The following CDH19 variants were observed in gnomAD, a reference collection of about 807,000 sequenced individuals.
CDH19 encodes the protein cadherin-19.
CDH19 carries 67 observed loss-of-function variants against 64.2 expected under a neutral mutation model. That is an observed-to-expected ratio of 1.04 (90% CI 0.86 to 1.28). The LOEUF (loss-of-function observed/expected upper bound fraction) is 1.28, where lower values mean the gene tolerates loss of function less well. Among genes scored for constraint, CDH19 ranks in the 50% most tolerant of loss-of-function variants. The pLI, the probability that CDH19 is intolerant of heterozygous loss-of-function variation, is 0.00. For missense variants in CDH19, 1,030 were observed against 929.0 expected (o/e 1.11, Z -1.41); for synonymous variants, 346 against 319.3 (o/e 1.08, Z -0.89).
At chr18:66,546,581 G>A (rs915428182) in intron 5 of CDH19, among the ~76,000 whole-genome samples, 3 of 152,000 alleles carry the variant, frequency 2.0e-5, no homozygotes, top group African/African-American at 7.2e-5. Flanking sequence ...TGTCCTAGAG[G>A]CTGGAGATAG....
At chr18:66,536,928 G>A (rs779035039) in intron 7 of CDH19, among the ~76,000 whole-genome samples, 4 of 151,638 alleles carry the variant, frequency 2.6e-5, no homozygotes, top group Non-Finnish European at 4.4e-5. Context: ...ATTTAGATAT[G>A]TACCATCATG....
intron 1 of CDH19, among the ~76,000 whole-genome samples, chr18:66,587,180 C>T (rs1988602257): frequency 6.6e-6 from 1 of 152,086 alleles, no homozygotes; most frequent in African/African-American, 2.4e-5. Context: ...TCAATAATAA[C>T]ATGGAGGCAG....
chr18:66,527,366 T>C (rs2144405886), intron 9 of CDH19, among the ~76,000 whole-genome samples: 1 of 152,206 alleles, frequency 6.6e-6, no homozygotes, highest in Non-Finnish European at 1.5e-5. Flanking sequence ...TTATAATCAC[T>C]ATATGTGCAT....
chr18:66,544,994 T>G (rs1158967691), intron 5 of CDH19, 91 bp from the exon 6 acceptor site: 1 of 1,008,110 alleles, frequency 9.9e-7, no homozygotes, highest in Non-Finnish European at 1.4e-6. Flanking sequence ...TGTTTGTTTT[T>G]TCGAGACGGA....
intron 8 of CDH19, chr18:66,532,651 A>T (rs1986500283): frequency 2.3e-6 from 1 of 438,192 alleles, no homozygotes. Context: ...GATTGTATTT[A>T]TCAAGTAATG....
rs549847284 is a variant in CDH19, at chr18:66,557,792, T to A, written c.491-3268A>T. On this transcript the variant is annotated intron_variant, in intron 3 of 11. Coordinates refer to ENST00000262150, the MANE Select transcript of CDH19 (RefSeq NM_021153.4). ...ACAGGTAGATCTAAGTATGGTGTAT[T>A]TACATATGTGTATATATACATGTAT... is the stretch of plus-strand genomic sequence containing the variant. Among the ~76,000 whole-genome samples the A allele has an allele frequency of 1.5e-4, 23 of 151,874 alleles. No homozygotes were observed. In the East Asian group the frequency reaches 4.5e-3, roughly 30 times the overall value.
intron 1 of CDH19, among the ~76,000 whole-genome samples, chr18:66,575,240 G>A (rs1195291304): frequency 6.6e-6 from 1 of 151,686 alleles, no homozygotes; most frequent in Non-Finnish European, 1.5e-5. Flanking sequence ...GAGTGCAAGG[G>A]GAGTGTTAAG....
intron 1 of CDH19, among the ~76,000 whole-genome samples, chr18:66,573,272 C>A (rs1043763422): frequency 6.6e-6 from 1 of 151,598 alleles, no homozygotes; most frequent in African/African-American, 2.4e-5. Context: ...AGCCAGAGTT[C>A]ATGTTAGGAC....
Position 66,551,161 on chromosome 18 carries a change from C to T in CDH19, c.708G>A (p.Leu236=). 1 of 1,608,644 alleles carries T rather than the reference C, an allele frequency of 6.2e-7. No homozygotes were observed. The highest frequency in any genetic ancestry group is 8.5e-7 in the Non-Finnish European group (1 of 1,175,392). The change falls in exon 5 of 12, where the codon TTG becomes TTA. Residue 236 remains leucine (L), a synonymous_variant. Transcript: ENST00000262150. ...TAATTAATACACTTGTTGTTCCAGA[C>T]AACGCTCCTGGCTGACCAATCATGT... ...AKDMIGQPGA[L]SGTTSVLIKL...
chr18:66,544,601 A>G (rs1281145614), intron 6 of CDH19, 118 bp downstream of exon 6: 1 of 662,670 alleles, frequency 1.5e-6, no homozygotes, highest in Non-Finnish European at 2.4e-6. Context: ...TCCATAAAAC[A>G]TAAATTACTG....
rs769811074 is a variant in CDH19, at chr18:66,572,127, A to G, written c.78T>C (p.Ser26=). The change falls in exon 2 of 12, where the codon TCT becomes TCC. Residue 26 remains serine, a synonymous_variant. Transcript: ENST00000262150. ...LWPCLGATEN[S]QTKKVKQPVR... ...CTGGCTGCTTGACTTTCTTTGTTTG[A>G]GAGTTTTCTGTTGCTCCAAGACAAG... is the stretch of plus-strand genomic sequence containing the variant. 3.7e-6 allele frequency: 6 copies of G among 1,611,626 alleles called. No individual in the cohort carries two copies. The South Asian group carries it at 6.6e-5, about 18-fold the overall frequency.
In CDH19 at chr18:66,503,455, G is replaced by C. The variant is rs1329095637; in HGVS notation, c.*1357C>G. ...CCATGAATGGTAAGTCAGTTCAGTT[G>C]ATCATAATATTTACAGTGAATAGTA... On this transcript the variant is annotated 3_prime_UTR_variant, in exon 12 of 12. Coordinates refer to ENST00000262150, the MANE Select transcript of CDH19 (RefSeq NM_021153.4). The C allele has an allele frequency of 6.6e-6, 1 of 151,760 alleles. No individual in the cohort carries two copies. The highest frequency in any genetic ancestry group is 2.4e-5 in the African/African-American group (1 of 41,396). 9.4% of individuals were successfully genotyped at this position (151,760 alleles called of 1,614,324 possible).
chr18:66,545,716 G>T (rs1021537946), intron 5 of CDH19, among the ~76,000 whole-genome samples: 55 of 152,098 alleles, frequency 3.6e-4, no homozygotes, highest in African/African-American at 1.1e-3. Flanking sequence ...AAAGGTGGGA[G>T]AGTCTGCATG....
At chr18:66,527,515 G>A (rs1364992701) in intron 9 of CDH19, among the ~76,000 whole-genome samples, 3 of 152,006 alleles carry the variant, frequency 2.0e-5, no homozygotes, top group African/African-American at 4.8e-5. Flanking sequence ...TTGAGAGTCC[G>A]AGGCAGGCAG....
chr18:66,596,823 C>G (rs139590897), intron 1 of CDH19, among the ~76,000 whole-genome samples: 150 of 152,010 alleles, frequency 9.9e-4, no homozygotes, highest in African/African-American at 3.3e-3. Context: ...TGGCTCACGC[C>G]TGTAGTCCCA....
intron 5 of CDH19, among the ~76,000 whole-genome samples, chr18:66,549,717 A>G (rs1987268097): frequency 6.6e-6 from 1 of 152,136 alleles, no homozygotes; most frequent in African/African-American, 2.4e-5. Context: ...AAATCAAAAG[A>G]TCTGATAACC....
intron 9 of CDH19, among the ~76,000 whole-genome samples, chr18:66,520,342 T>G (rs908363726): frequency 1.3e-4 from 5 of 39,654 alleles, no homozygotes; most frequent in African/African-American, 6.7e-4. Context: ...AAAATAGCTG[T>G]TTTTTTTTTT....
intron 8 of CDH19, among the ~76,000 whole-genome samples, chr18:66,533,728 GA>G (rs897165758): frequency 1.9e-4 from 29 of 150,550 alleles, no homozygotes; most frequent in Admixed American, 6.0e-4. Flanking sequence ...TCATTTGCTG[GA>G]AAAAAAAAAT....
chr18:66,568,377 A>C (rs745677817), intron 3 of CDH19, 39 bp downstream of exon 3: 12 of 1,487,552 alleles, frequency 8.1e-6, no homozygotes, highest in Non-Finnish European at 9.2e-7. Context: ...AACCTGCTTC[A>C]TTGTTAATAT....
Sources: gnomAD v4.1 joint callset for allele counts (sites outside exome capture counted in the v4.1 genomes callset) on GRCh38, gnomAD v4.1.1 for gene constraint, MANE v1.5 for transcripts, NCBI Gene and HGNC (gene_info 2026-07-23, HGNC 2026-07-21) for gene names.